The following FRY variants were observed in gnomAD, a reference collection of about 807,000 sequenced individuals.
FRY encodes protein furry homolog.
FRY carries 128 observed loss-of-function variants against 348.4 expected under a neutral mutation model. The observed-to-expected ratio is 0.37, with a 90% CI of 0.32 to 0.43. FRY has a LOEUF of 0.43. Among genes scored for constraint, FRY ranks in the 20% least tolerant of loss-of-function variants. The pLI, the probability that FRY is intolerant of heterozygous loss-of-function variation, is 1.00. For missense variants in FRY, 2,736 were observed against 3,695.2 expected (o/e 0.74, Z 6.73); for synonymous variants, 1,370 against 1,374.7 (o/e 1.00, Z 0.08).
At chr13:32,223,188 C>A (rs976077950) in intron 36 of FRY, among the ~76,000 whole-genome samples, 1 of 152,088 alleles carries the variant, frequency 6.6e-6, no homozygotes, top group Non-Finnish European at 1.5e-5. Flanking sequence ...GAACTCCTGA[C>A]CTCAAGTGAT....
rs1331523942 is a variant in FRY at position 32,254,247 on chromosome 13, T to C, written c.7269T>C (p.Asp2423=). ...AGGTGATTTTTTCATCGTGTGGGGA[T>C]CTGGATCTGCTTGAGCACCAGACAA... ...NPSVIFSSCG[D]LDLLEHQTSL... is the part of the protein sequence containing the mutation. The change falls in exon 51 of 61, where the codon GAT becomes GAC. Residue 2423 remains aspartate, a synonymous_variant. Coordinates refer to ENST00000542859, the MANE Select transcript of FRY (RefSeq NM_023037.3). The C allele has an allele frequency of 8.7e-6, 14 of 1,613,980 alleles. No individual in the cohort carries two copies. In the Admixed American group the frequency reaches 1.8e-4, roughly 21 times the overall value.
intron 20 of FRY, among the ~76,000 whole-genome samples, chr13:32,177,347 G>A (rs1293650010): frequency 6.6e-6 from 1 of 152,142 alleles, no homozygotes; most frequent in Non-Finnish European, 1.5e-5. Context: ...CCAGCACTTT[G>A]GGAGGCCAAA....
chr13:32,286,929 G>T (rs528247914), intron 58 of FRY, among the ~76,000 whole-genome samples: 1 of 151,832 alleles, frequency 6.6e-6, no homozygotes, highest in Non-Finnish European at 1.5e-5. Context: ...GGAGGCCAAG[G>T]CGGGCAGATC....
chr13:32,181,519 G>A (rs571045940), intron 23 of FRY, among the ~76,000 whole-genome samples: 14 of 149,038 alleles, frequency 9.4e-5, no homozygotes, highest in African/African-American at 3.0e-4. Context: ...GCTTGAACCC[G>A]GGAGGCAGAG....
At chr13:32,065,776 T>G (rs967103680) in intron 1 of FRY, among the ~76,000 whole-genome samples, 6 of 151,676 alleles carry the variant, frequency 4.0e-5, no homozygotes, top group Non-Finnish European at 8.8e-5. Context: ...ACCTTTAAAT[T>G]TTTTTTTGGT....
intron 47 of FRY, 62 bp from the exon 48 acceptor site, chr13:32,247,261 A>C: frequency 1.5e-6 from 2 of 1,348,996 alleles, no homozygotes; most frequent in Non-Finnish European, 1.1e-6. Flanking sequence ...GGTCATTCTG[A>C]CATACATTAG....
At chr13:32,226,664 A>G (rs1472112761) in intron 39 of FRY, among the ~76,000 whole-genome samples, 2 of 152,102 alleles carry the variant, frequency 1.3e-5, no homozygotes, top group South Asian at 4.1e-4. Context: ...TTTTTTACCT[A>G]TTCATTTTAC....
intron 41 of FRY, 49 bp downstream of exon 41, chr13:32,231,349 T>TTA: frequency 6.3e-7 from 1 of 1,584,922 alleles, no homozygotes; most frequent in Non-Finnish European, 8.7e-7. Flanking sequence ...TGTTCTGTAA[T>TTA]GGACACTGTC....
rs189678058 is a variant in FRY, at chr13:32,237,206, G to T, written c.5811-173G>T. Among the ~76,000 whole-genome samples the T allele has an allele frequency of 1.3e-5, 2 of 152,066 alleles. No individual in the cohort carries two copies. Among genetic ancestry groups the T allele is most frequent in the Admixed American group, 6.5e-5 (1 of 15,268 alleles). Reference sequence around the variant, plus strand: ...TGGGCTTTTTGTTTTGTTGATGAGGGTTTCTCTTGTTTTGTTTTTTATAGC... The same window carrying T: ...TGGGCTTTTTGTTTTGTTGATGAGGTTTTCTCTTGTTTTGTTTTTTATAGC... On this transcript the variant is annotated intron_variant, in intron 43 of 60. Coordinates refer to ENST00000542859, the MANE Select transcript of FRY (RefSeq NM_023037.3). This position sits in a 1 kb window ranked among gnomAD's most constrained non-coding sequence, Gnocchi z 6.3.
At chr13:32,123,208 A>C (rs1466000852) in intron 4 of FRY, among the ~76,000 whole-genome samples, 1 of 152,238 alleles carries the variant, frequency 6.6e-6, no homozygotes, top group East Asian at 1.9e-4. Flanking sequence ...TTCATATGGA[A>C]CCAAAAAAGA....
chr13:32,238,048 C>T, intron 44 of FRY, 62 bp downstream of exon 44: 1 of 1,571,372 alleles, frequency 6.4e-7, no homozygotes. Context: ...TCATTTGGTA[C>T]AATAAGATAA....
intron 17 of FRY, among the ~76,000 whole-genome samples, chr13:32,170,103 G>A (rs1881968083): frequency 6.6e-6 from 1 of 152,154 alleles, no homozygotes; most frequent in Admixed American, 6.5e-5. Flanking sequence ...GACATTGCCA[G>A]ATATCCCAAG....
At chr13:32,098,740 C>T (rs1361274955) in intron 2 of FRY, among the ~76,000 whole-genome samples, 4 of 151,958 alleles carry the variant, frequency 2.6e-5, no homozygotes, top group Admixed American at 6.5e-5. Flanking sequence ...TGTTCCACCC[C>T]GGCATGTAGC....
rs772989681 is a variant in FRY at position 32,135,062 on chromosome 13, A to G, written c.979-23A>G. ...AAATCAACAATTTTATTAATATAAT[A>G]TTCACATGCATCTCTATTTCAGGCT... On this transcript the variant is annotated intron_variant, in intron 9 of 60. Coordinates refer to ENST00000542859, the MANE Select transcript of FRY (RefSeq NM_023037.3). 8 of 1,545,786 alleles carry G rather than the reference A, an allele frequency of 5.2e-6. No homozygotes were observed. The East Asian group carries it at 1.1e-4, about 22-fold the overall frequency.
intron 31 of FRY, among the ~76,000 whole-genome samples, chr13:32,204,257 G>A (rs1242451512): frequency 6.6e-6 from 1 of 152,152 alleles, no homozygotes; most frequent in African/African-American, 2.4e-5. Flanking sequence ...AAACCAAGCA[G>A]CTGGCCCAGT....
intron 53 of FRY, among the ~76,000 whole-genome samples, chr13:32,263,131 CTATGCCCAT>C (rs1887751258): frequency 6.6e-6 from 1 of 152,182 alleles, no homozygotes; most frequent in Non-Finnish European, 1.5e-5. Flanking sequence ...ATGCCCACAT[CTATGCCCAT>C]CAGTATAGAA....
chr13:32,223,600 A>AC (rs1885429069), intron 36 of FRY, among the ~76,000 whole-genome samples: 1 of 151,992 alleles, frequency 6.6e-6, no homozygotes, highest in Admixed American at 6.6e-5. Flanking sequence ...ACATGTTGAG[A>AC]CCCCATCTAT....
At chr13:32,195,597 G>T (rs1883628338) in intron 29 of FRY, among the ~76,000 whole-genome samples, 1 of 152,082 alleles carries the variant, frequency 6.6e-6, no homozygotes, top group Admixed American at 6.6e-5. Flanking sequence ...GCATTGCATG[G>T]ACATCTCACA....
chr13:32,170,774 C>A (rs946391505), intron 17 of FRY, among the ~76,000 whole-genome samples: 1 of 152,102 alleles, frequency 6.6e-6, no homozygotes, highest in African/African-American at 2.4e-5. Context: ...TGAACTCGGG[C>A]AATCCACCTG....
Sources: allele counts gnomAD v4.1 joint callset (sites outside exome capture counted in the v4.1 genomes callset), GRCh38; gene constraint gnomAD v4.1.1; non-coding constraint Gnocchi (gnomAD v3.1); transcripts MANE v1.5; gene names NCBI Gene and HGNC (gene_info 2026-07-23, HGNC 2026-07-21).